GPC6: variants seen among roughly 807,000 people sequenced by gnomAD.
GPC6 encodes glypican-6.
In GPC6, 14 loss-of-function variants were observed where a neutral mutation model predicts 55.2. That is an observed-to-expected ratio of 0.25 (90% CI 0.17 to 0.40). The LOEUF is 0.40. GPC6 is among the 10% of genes least tolerant of loss of function. GPC6 has a pLI of 1.00. For synonymous variants in GPC6, 278 were observed against 259.6 expected (o/e 1.07, Z -0.68); for missense variants, 641 against 708.5 (o/e 0.90, Z 1.08).
At chr13:93,333,430 A>G (rs559430147) in intron 1 of GPC6, among the ~76,000 whole-genome samples, 3 of 151,158 alleles carry the variant, frequency 2.0e-5, no homozygotes, top group South Asian at 2.1e-4. Flanking sequence ...GGTTGAATAT[A>G]TTACTAGTTA....
intron 1 of GPC6, among the ~76,000 whole-genome samples, chr13:93,378,312 A>G (rs1875008643): frequency 6.6e-6 from 1 of 152,172 alleles, no homozygotes; most frequent in Non-Finnish European, 1.5e-5. Flanking sequence ...TATTTAATTC[A>G]TCCTCTGGCT....
intron 2 of GPC6, among the ~76,000 whole-genome samples, chr13:93,798,600 AG>A (rs1449275646): frequency 6.6e-6 from 1 of 152,130 alleles, no homozygotes. Flanking sequence ...ATCAGTAAGA[AG>A]GTCATTTTGA....
chr13:94,262,669 T>A (rs1891688160), intron 4 of GPC6, among the ~76,000 whole-genome samples: 1 of 130,138 alleles, frequency 7.7e-6, no homozygotes, highest in Non-Finnish European at 1.6e-5. Context: ...TGAGACTCCG[T>A]CTCAGAAAAA....
At chr13:94,079,920 AT>A (rs1486708727) in intron 4 of GPC6, among the ~76,000 whole-genome samples, 1 of 152,212 alleles carries the variant, frequency 6.6e-6, no homozygotes, top group Non-Finnish European at 1.5e-5. Flanking sequence ...AATTAAATAA[AT>A]TACATGGTTG....
intron 4 of GPC6, among the ~76,000 whole-genome samples, chr13:94,256,803 C>T (rs1891519622): frequency 6.6e-6 from 1 of 152,146 alleles, no homozygotes; most frequent in Admixed American, 6.5e-5. Flanking sequence ...TGATGACTCA[C>T]CAAGCAACCC....
intron 6 of GPC6, among the ~76,000 whole-genome samples, chr13:94,357,450 C>T (rs1208615845): frequency 2.6e-5 from 4 of 152,292 alleles, no homozygotes; most frequent in Admixed American, 1.3e-4. Context: ...TGATGCTCCG[C>T]GGGTAATACT....
intron 1 of GPC6, among the ~76,000 whole-genome samples, chr13:93,258,843 G>T (rs1336171002): frequency 6.6e-6 from 1 of 152,214 alleles, no homozygotes; most frequent in African/African-American, 2.4e-5. Flanking sequence ...CTAGCTACTT[G>T]GGAGGCTTAG....
chr13:93,642,048 C>A (rs1236057576), intron 2 of GPC6, among the ~76,000 whole-genome samples: 6 of 151,914 alleles, frequency 3.9e-5, no homozygotes, highest in African/African-American at 1.2e-4. Context: ...AGGTTTGTTA[C>A]AAAGCTATAT....
At chr13:94,253,738 A>C (rs978314927) in intron 4 of GPC6, among the ~76,000 whole-genome samples, 2 of 152,120 alleles carry the variant, frequency 1.3e-5, no homozygotes, top group African/African-American at 2.4e-5. Flanking sequence ...AAAGAAACCC[A>C]AGACTAGATC....
chr13:93,925,055 C>A (rs993527713), intron 3 of GPC6, among the ~76,000 whole-genome samples: 2 of 152,154 alleles, frequency 1.3e-5, no homozygotes, highest in Non-Finnish European at 2.9e-5. Flanking sequence ...TCATTTATTA[C>A]ACAAATATTA....
At chr13:93,426,228 A>T (rs12855291) in intron 1 of GPC6, among the ~76,000 whole-genome samples, 1 of 118,090 alleles carries the variant, frequency 8.5e-6, no homozygotes, top group Non-Finnish European at 1.9e-5. Flanking sequence ...AAGTGTTTTT[A>T]TTTTATTTTA....
Position 94,403,365 on chromosome 13 carries a change from T to A in GPC6, c.*148T>A, listed in dbSNP as rs1881234455. 1 of 710,836 alleles carries A rather than the reference T, an allele frequency of 1.4e-6. No individual in the cohort carries two copies. Among genetic ancestry groups the A allele is most frequent in the Non-Finnish European group, 2.5e-6 (1 of 396,490 alleles). The allele number at this position is 710,836 out of a possible 1,614,324, so 44.0% of individuals were successfully genotyped here. ...GCAGTAATGCAATCTGCCTCCCTTT[T>A]TGTTTTCCCAAAGAGTACCGGGTGC... On this transcript the variant is annotated 3_prime_UTR_variant, in exon 9 of 9. Transcript: ENST00000377047.
At chr13:93,838,981 AAG>A (rs1887846700) in intron 3 of GPC6, among the ~76,000 whole-genome samples, 1 of 152,210 alleles carries the variant, frequency 6.6e-6, no homozygotes, top group African/African-American at 2.4e-5. Context: ...TGCACATTTA[AAG>A]AGAGTTCTGA....
intron 6 of GPC6, among the ~76,000 whole-genome samples, chr13:94,327,610 C>T (rs1877193068): frequency 6.6e-6 from 1 of 152,194 alleles, no homozygotes; most frequent in Non-Finnish European, 1.5e-5. Context: ...TACTCTGACC[C>T]AGGTCCCCTT....
chr13:93,519,030 G>C (rs1386625413), intron 1 of GPC6, among the ~76,000 whole-genome samples: 1 of 151,990 alleles, frequency 6.6e-6, no homozygotes, highest in Non-Finnish European at 1.5e-5. Context: ...AGGCAGAGTT[G>C]AGTAGTTGTA....
chr13:94,275,802 A>AATAGCTT (rs1469327265), intron 4 of GPC6, among the ~76,000 whole-genome samples: 1 of 152,172 alleles, frequency 6.6e-6, no homozygotes, highest in Non-Finnish European at 1.5e-5. Flanking sequence ...ACTGGAAACA[A>AATAGCTT]ATAGCTTTTA....
At chr13:94,117,374 A>G (rs1357740394) in intron 4 of GPC6, among the ~76,000 whole-genome samples, 2 of 152,162 alleles carry the variant, frequency 1.3e-5, no homozygotes, top group Non-Finnish European at 2.9e-5. Flanking sequence ...GAGTAGGTGA[A>G]TAACATCAAG....
intron 2 of GPC6, among the ~76,000 whole-genome samples, chr13:93,734,849 T>G (rs904066634): frequency 2.0e-5 from 3 of 152,130 alleles, no homozygotes; most frequent in African/African-American, 7.2e-5. Context: ...TAATAACTAT[T>G]AATGATTAAT....
intron 4 of GPC6, among the ~76,000 whole-genome samples, chr13:94,202,301 A>C (rs976012975): frequency 6.6e-6 from 1 of 152,110 alleles, no homozygotes; most frequent in Non-Finnish European, 1.5e-5. Flanking sequence ...TGCTTGTGGT[A>C]CTCTGTTCTC....
Sources: allele counts gnomAD v4.1 joint callset (sites outside exome capture counted in the v4.1 genomes callset), GRCh38; gene constraint gnomAD v4.1.1; transcripts MANE v1.5; gene names NCBI Gene and HGNC (gene_info 2026-07-23, HGNC 2026-07-21).